The following ARHGEF10L variants were observed in gnomAD, a reference collection of about 807,000 sequenced individuals.
ARHGEF10L encodes the protein rho guanine nucleotide exchange factor 10-like protein.
In ARHGEF10L, 69 loss-of-function variants were observed where a neutral mutation model predicts 141.2. The observed-to-expected ratio is 0.49, with a 90% CI of 0.40 to 0.60. The LOEUF (loss-of-function observed/expected upper bound fraction) is 0.60, where lower values mean the gene tolerates loss of function less well. Ranked by LOEUF, ARHGEF10L falls within the 20% of genes least tolerant of loss-of-function variation. The probability of loss-of-function intolerance (pLI) is 0.00; values close to 1 mark genes in which losing one functional copy is unlikely to be tolerated. For missense variants in ARHGEF10L, 1,482 were observed against 1,734.3 expected (o/e 0.85, Z 2.58); for synonymous variants, 711 against 718.5 (o/e 0.99, Z 0.17).
chr1:17,543,769 C>A (rs1262433219), intron 1 of ARHGEF10L, among the ~76,000 whole-genome samples: 1 of 148,862 alleles, frequency 6.7e-6, no homozygotes, highest in African/African-American at 2.5e-5. Context: ...TGCCTCAGCC[C>A]CCTCAGTAGC....
intron 26 of ARHGEF10L, among the ~76,000 whole-genome samples, chr1:17,681,734 C>T: frequency 6.6e-6 from 1 of 152,210 alleles, no homozygotes; most frequent in East Asian, 1.9e-4. Context: ...TGGATCTCTC[C>T]TTCTAAAGGT....
upstream of ARHGEF10L, among the ~76,000 whole-genome samples, chr1:17,536,927 C>T (rs995596593): frequency 1.1e-4 from 16 of 152,020 alleles, no homozygotes; most frequent in East Asian, 3.9e-4. Flanking sequence ...TGGGGTGCAG[C>T]GGTGGGATCA....
At position 17,649,461 on chromosome 1, in the gene ARHGEF10L, A is replaced by G. The variant is rs962077658; in HGVS notation, c.2394+786A>G. ...ACCCAGGCCCAGATTGGTGAGCCCCAAGAGATGCGCCGATTGGGCTGTAGA... is the reference window on the plus strand; with the variant it reads ...ACCCAGGCCCAGATTGGTGAGCCCCGAGAGATGCGCCGATTGGGCTGTAGA... On this transcript the variant is annotated intron_variant, in intron 22 of 28. Transcript: ENST00000361221. Among the ~76,000 whole-genome samples, 20 of 152,330 alleles carry G rather than the reference A, an allele frequency of 1.3e-4. No homozygotes were observed. In the East Asian group the frequency reaches 2.7e-3, roughly 21 times the overall value.
chr1:17,589,861 G>A (rs2079383131), intron 4 of ARHGEF10L, among the ~76,000 whole-genome samples: 1 of 152,126 alleles, frequency 6.6e-6, no homozygotes, highest in Non-Finnish European at 1.5e-5. Context: ...GACGCCCAGG[G>A]AGCTGGGACA....
At chr1:17,592,968 T>C (rs2100756910) in intron 4 of ARHGEF10L, among the ~76,000 whole-genome samples, 1 of 152,222 alleles carries the variant, frequency 6.6e-6, no homozygotes, top group South Asian at 2.1e-4. Flanking sequence ...GACAAGCTGG[T>C]TTTTGTGTTT....
In ARHGEF10L at chr1:17,632,390, G is replaced by A. The variant is rs750101839; in HGVS notation, c.1654G>A (p.Gly552Arg). ...GACGGAGACCGTGTACGGTGACCGC[G>A]GGCAGCTAATTAAGTCCAAGGAGCG... ...TLTETVYGDR[G>R]QLIKSKERRV... The change falls in exon 16 of 29, where the codon GGG becomes AGG. Residue 552 changes from glycine to arginine, a missense_variant. By Grantham distance (125) the Gly-to-Arg change is moderately radical (BLOSUM62 -2). Around this residue, in one of 3 missense-constraint regions of ARHGEF10L, gnomAD observed 392 missense variants for 542.1 expected, o/e 0.72. Coordinates refer to ENST00000361221, the MANE Select transcript of ARHGEF10L (RefSeq NM_018125.4). The A allele has an allele frequency of 5.6e-6, 9 of 1,614,042 alleles. No homozygotes were observed. Among genetic ancestry groups the A allele is most frequent in the African/African-American group, 1.3e-5 (1 of 74,922 alleles).
chr1:17,573,250 C>T lies in ARHGEF10L; in HGVS notation c.-43-7303C>T, dbSNP rs2246284. On this transcript the variant is annotated intron_variant, in intron 1 of 28. Transcript: ENST00000361221. The surrounding 1 kb of genome is among the most constrained non-coding windows in gnomAD (Gnocchi z 4.8). ...CTAAACACACTCTCATGCTAAGTGG[C>T]GAGGGCCCAGCAGCGAGGACGCCCA... 0.052 allele frequency among the ~76,000 whole-genome samples: 7,984 copies of T among 152,258 alleles called. 239 individuals are homozygous for T. The highest frequency in any genetic ancestry group is 0.063 in the Non-Finnish European group (4,268 of 68,010).
chr1:17,654,864 C>G lies in ARHGEF10L; in HGVS notation c.2481+142C>G. 4 of 791,576 alleles carry G rather than the reference C, an allele frequency of 5.1e-6. No individual in the cohort carries two copies. Among genetic ancestry groups the G allele is most frequent in the Non-Finnish European group, 8.5e-6 (4 of 470,312 alleles). 49.0% of individuals were successfully genotyped at this position (791,576 alleles called of 1,614,324 possible). A position where few individuals can be genotyped will look rare whatever the true frequency, so the allele number is the denominator to read the frequency against. ...TCCACCAAGGTCTTCCTGGGCACCT[C>G]TGGTGCCAGGCACTGCATTTGGAGT... On this transcript the variant is annotated intron_variant, in intron 23 of 28. Coordinates refer to ENST00000361221, the MANE Select transcript of ARHGEF10L (RefSeq NM_018125.4). The surrounding 1 kb of genome is among the most constrained non-coding windows in gnomAD (Gnocchi z 4.3).
chr1:17,642,479 G>A (rs570775923), intron 21 of ARHGEF10L, among the ~76,000 whole-genome samples: 11 of 152,294 alleles, frequency 7.2e-5, no homozygotes, highest in Admixed American at 3.3e-4. Flanking sequence ...AGCATTGAGA[G>A]CTGGATAGTG....
chr1:17,575,393 G>A (rs2078179567), intron 1 of ARHGEF10L, among the ~76,000 whole-genome samples: 2 of 152,264 alleles, frequency 1.3e-5, no homozygotes, highest in African/African-American at 2.4e-5. Flanking sequence ...CTTTGCAGAG[G>A]AGAAATGGGG....
At chr1:17,631,417 C>A (rs2060685181) in intron 15 of ARHGEF10L, among the ~76,000 whole-genome samples, 1 of 152,178 alleles carries the variant, frequency 6.6e-6, no homozygotes, top group Non-Finnish European at 1.5e-5. Flanking sequence ...AAGTCTTTGT[C>A]CTCAGAGGGT....
intron 1 of ARHGEF10L, among the ~76,000 whole-genome samples, chr1:17,549,996 C>G (rs2077052614): frequency 6.6e-6 from 1 of 152,100 alleles, no homozygotes; most frequent in African/African-American, 2.4e-5. Flanking sequence ...TTTACCTTTG[C>G]AAAAGATCCC....
intron 7 of ARHGEF10L, among the ~76,000 whole-genome samples, chr1:17,611,895 A>G (rs1385930993): frequency 1.3e-5 from 2 of 152,116 alleles, no homozygotes; most frequent in East Asian, 3.9e-4. Flanking sequence ...GTACTTTACC[A>G]AATATCACTG....
chr1:17,677,466 C>T (rs537459063), intron 26 of ARHGEF10L, among the ~76,000 whole-genome samples: 4 of 152,356 alleles, frequency 2.6e-5, no homozygotes, highest in East Asian at 1.9e-4. Context: ...GGTGCCGCCC[C>T]GGCTCTTCCA....
Position 17,632,485 on chromosome 1 carries a change from G to C in ARHGEF10L, c.1730+19G>C. ...ACTTCAAGTAAGTGGGCCTGGGTTG[G>C]AGGGGGCAATCACCCCTCCCTGGAG... is the stretch of plus-strand genomic sequence containing the variant. On this transcript the variant is annotated intron_variant, in intron 16 of 28. Transcript: ENST00000361221. 6.2e-7 allele frequency: 1 copy of C among 1,613,906 alleles called. No homozygotes were observed. Among genetic ancestry groups the C allele is most frequent in the Non-Finnish European group, 8.5e-7 (1 of 1,179,864 alleles).
intron 26 of ARHGEF10L, among the ~76,000 whole-genome samples, chr1:17,684,462 C>T (rs990371462): frequency 6.6e-5 from 10 of 152,236 alleles, no homozygotes; most frequent in Admixed American, 5.9e-4. Flanking sequence ...GCGTGGCCTC[C>T]TCCCAAAAAT....
intron 1 of ARHGEF10L, among the ~76,000 whole-genome samples, chr1:17,567,027 C>T (rs1443414492): frequency 6.6e-6 from 1 of 152,230 alleles, no homozygotes; most frequent in Non-Finnish European, 1.5e-5. Flanking sequence ...CACTCTCTTC[C>T]TGCTTTGCAC....
intron 18 of ARHGEF10L, 115 bp downstream of exon 18, chr1:17,635,131 G>A (rs2060924647): frequency 1.5e-6 from 2 of 1,303,196 alleles, no homozygotes; most frequent in Non-Finnish European, 2.1e-6. Context: ...TAGGCTGATG[G>A]GTGGCTTGGC....
chr1:17,612,707 G>A (rs1362433617), intron 7 of ARHGEF10L, among the ~76,000 whole-genome samples: 1 of 152,212 alleles, frequency 6.6e-6, no homozygotes, highest in East Asian at 1.9e-4. Flanking sequence ...CCACAGGGCC[G>A]GGGAGAAGAC....
Sources: gnomAD v4.1 joint callset for allele counts (sites outside exome capture counted in the v4.1 genomes callset) on GRCh38, gnomAD v4.1.1 for gene constraint, gnomAD v4.1.1 regional missense constraint, Gnocchi (gnomAD v3.1) non-coding constraint, MANE v1.5 for transcripts, NCBI Gene and HGNC (gene_info 2026-07-23, HGNC 2026-07-21) for gene names.